Variants in CHST15 observed in about 807,000 individuals in gnomAD.
CHST15 encodes carbohydrate sulfotransferase 15, also known as B cell RAG associated protein (GALNAC4S-6ST).
Under a neutral mutation model 53.6 loss-of-function variants are expected in CHST15, and 30 were observed. The ratio of observed to expected loss-of-function variants is 0.56; its 90% CI spans 0.42 to 0.76. The LOEUF (loss-of-function observed/expected upper bound fraction) is 0.76, where lower values mean the gene tolerates loss of function less well. Among genes scored for constraint, CHST15 ranks in the 30% least tolerant of loss-of-function variants. The pLI is 0.00. For missense variants in CHST15, 627 were observed against 740.5 expected (o/e 0.85, Z 1.78); for synonymous variants, 296 against 289.8 (o/e 1.02, Z -0.22).
At position 124,028,950 on chromosome 10, in the gene CHST15, C is replaced by T. The variant is rs115729972; in HGVS notation, c.1191-7538G>A. On this transcript the variant is annotated intron_variant, in intron 5 of 7. Transcript: ENST00000435907. ...CTCAATGACAGTTACCGGAACGGCC[C>T]CATTTCCTCAGGCAGGAGGACCCGA... Among the ~76,000 whole-genome samples, 1,146 of 152,130 alleles carry T rather than the reference C, an allele frequency of 7.5e-3. 13 individuals are homozygous for T. The highest frequency in any genetic ancestry group is 0.023 in the African/African-American group (959 of 41,476).
rs1947510958 is a variant in CHST15 at position 124,036,681 on chromosome 10, C to T, written c.1190+1834G>A. 1.3e-5 allele frequency among the ~76,000 whole-genome samples: 2 copies of T among 152,112 alleles called. No homozygotes were observed. Among genetic ancestry groups the T allele is most frequent in the Non-Finnish European group, 2.9e-5 (2 of 68,038 alleles). On this transcript the variant is annotated intron_variant, in intron 5 of 7. Coordinates refer to ENST00000435907, the MANE Select transcript of CHST15 (RefSeq NM_001270764.2). The surrounding 1 kb of genome is among the most constrained non-coding windows in gnomAD (Gnocchi z 5.1). ...CCATGTGCACACACACACACACACA[C>T]ACTTATTTGCATAGAAAAGTCTGGA...
At chr10:124,070,661 C>T (rs1388730842) in intron 1 of CHST15, among the ~76,000 whole-genome samples, 1 of 152,116 alleles carries the variant, frequency 6.6e-6, no homozygotes, top group Non-Finnish European at 1.5e-5. Context: ...AGGAGTGAGC[C>T]ATTGTGCCCG....
At position 124,019,138 on chromosome 10, in the gene CHST15, C is replaced by T. The variant is rs886759291; in HGVS notation, c.1347+2118G>A. ...AGATGTGGCACGAAATGGGCCTGGC[C>T]TGAGTCACAGCTGCAACTTGATTCG... On this transcript the variant is annotated intron_variant, in intron 6 of 7. Transcript: ENST00000435907. This position sits in a 1 kb window ranked among gnomAD's most constrained non-coding sequence, Gnocchi z 4.6. Among the ~76,000 whole-genome samples, 1 of 151,778 alleles carries T rather than the reference C, an allele frequency of 6.6e-6. No homozygotes were observed. Among genetic ancestry groups the T allele is most frequent in the Non-Finnish European group, 1.5e-5 (1 of 67,902 alleles).
rs1288745925 is a variant in CHST15 at position 124,024,573 on chromosome 10, C to T, written c.1191-3161G>A. 6.6e-6 allele frequency among the ~76,000 whole-genome samples: 1 copy of T among 152,192 alleles called. No individual in the cohort carries two copies. Among genetic ancestry groups the T allele is most frequent in the Non-Finnish European group, 1.5e-5 (1 of 68,034 alleles). ...GTAGATTTCCCCAGATCCACACTCG[C>T]CTGAGAATATTCCCCAAGACAACAC... On this transcript the variant is annotated intron_variant, in intron 5 of 7. Coordinates refer to ENST00000435907, the MANE Select transcript of CHST15 (RefSeq NM_001270764.2). The surrounding 1 kb of genome is among the most constrained non-coding windows in gnomAD (Gnocchi z 4.0).
chr10:124,018,958 G>T (rs567899738), intron 6 of CHST15, among the ~76,000 whole-genome samples: 3 of 152,214 alleles, frequency 2.0e-5, no homozygotes, highest in Non-Finnish European at 2.9e-5. Flanking sequence ...GGGAAACCCA[G>T]TCCGCGAGCA....
intron 1 of CHST15, among the ~76,000 whole-genome samples, chr10:124,053,311 C>G (rs551065379): frequency 1.3e-5 from 2 of 152,204 alleles, no homozygotes; most frequent in Admixed American, 6.5e-5. Flanking sequence ...AAAGCTGGCA[C>G]GTGCCAGGCC....
At chr10:124,073,788 G>C (rs1259194680) in intron 1 of CHST15, among the ~76,000 whole-genome samples, 2 of 149,306 alleles carry the variant, frequency 1.3e-5, no homozygotes, top group African/African-American at 2.4e-5. Flanking sequence ...AAGCTCCTCT[G>C]TTTGTGCATT....
intron 1 of CHST15, among the ~76,000 whole-genome samples, chr10:124,076,277 C>G (rs1199038325): frequency 6.6e-6 from 1 of 152,212 alleles, no homozygotes; most frequent in Non-Finnish European, 1.5e-5. Context: ...GCTGAGCTGT[C>G]AAGTCAGTGA....
At position 124,036,293 on chromosome 10, in the gene CHST15, A is replaced by G. The variant is rs940673808; in HGVS notation, c.1190+2222T>C. ...CTCAGCAGGGCCGATTTCTGCCTCC[A>G]AAACACGGGAACCAGCAGGTGGGAC... On this transcript the variant is annotated intron_variant, in intron 5 of 7. Transcript: ENST00000435907. This position sits in a 1 kb window ranked among gnomAD's most constrained non-coding sequence, Gnocchi z 5.1. Among the ~76,000 whole-genome samples, 1 of 152,204 alleles carries G rather than the reference A, an allele frequency of 6.6e-6. No individual in the cohort carries two copies. Among genetic ancestry groups the G allele is most frequent in the African/African-American group, 2.4e-5 (1 of 41,456 alleles).
rs60643581 is a variant in CHST15 at position 124,007,987 on chromosome 10, AG to A, written c.*2161del. 2 of 1,231,880 alleles carry A rather than the reference AG, an allele frequency of 1.6e-6. No homozygotes were observed. The highest frequency in any genetic ancestry group is 2.0e-6 in the Non-Finnish European group (2 of 987,876). 76.3% of individuals were successfully genotyped at this position (1,231,880 alleles called of 1,614,324 possible). ...GAGGCAGCCGAAGTGCCCTCTGGAG[AG>A]AAAGGCCCCTGGAGGGAAAAACCAT... On this transcript the variant is annotated 3_prime_UTR_variant, in exon 8 of 8. Transcript: ENST00000435907.
intron 5 of CHST15, among the ~76,000 whole-genome samples, chr10:124,026,808 C>T (rs773619960): frequency 7.2e-5 from 11 of 152,164 alleles, no homozygotes; most frequent in Admixed American, 3.3e-4. Context: ...AGCCCAGTCC[C>T]GAACTCCTGA....
chr10:124,068,510 G>A (rs370648676), intron 1 of CHST15, among the ~76,000 whole-genome samples: 6 of 152,142 alleles, frequency 3.9e-5, no homozygotes, highest in Non-Finnish European at 7.4e-5. Flanking sequence ...CTGATGGGCC[G>A]GGTACATGTC....
chr10:124,016,471 ACT>A (rs1946588351), intron 6 of CHST15, among the ~76,000 whole-genome samples: 1 of 152,024 alleles, frequency 6.6e-6, no homozygotes, highest in Admixed American at 6.5e-5. Context: ...CCTCCTGTCC[ACT>A]GAGCCTGCCC....
chr10:124,052,515 G>C (rs940584552), intron 1 of CHST15, among the ~76,000 whole-genome samples: 1 of 152,136 alleles, frequency 6.6e-6, no homozygotes, highest in Non-Finnish European at 1.5e-5. Flanking sequence ...AAGGTTTCTG[G>C]GCCTCTGTAT....
chr10:124,042,169 T>C (rs1234174597), intron 4 of CHST15, 132 bp downstream of exon 4: 1 of 787,874 alleles, frequency 1.3e-6, no homozygotes, highest in Non-Finnish European at 2.0e-6. Flanking sequence ...GGTGGAGAAG[T>C]GGAGGCTCAA....
chr10:124,029,978 G>A lies in CHST15; in HGVS notation c.1190+8537C>T, dbSNP rs76194958. On this transcript the variant is annotated intron_variant, in intron 5 of 7. Coordinates refer to ENST00000435907, the MANE Select transcript of CHST15 (RefSeq NM_001270764.2). ...CACAACGGAGCTCTTTTTCCCTATA[G>A]TGTTCCTCCTGCTCGGAACCGTCCT... Among the ~76,000 whole-genome samples, 248 of 152,302 alleles carry A rather than the reference G, an allele frequency of 1.6e-3. 3 individuals carry two copies. In the East Asian group the frequency reaches 0.038, roughly 23 times the overall value.
intron 6 of CHST15, among the ~76,000 whole-genome samples, chr10:124,012,846 T>C (rs533011689): frequency 2.0e-5 from 3 of 152,242 alleles, no homozygotes; most frequent in African/African-American, 7.2e-5. Context: ...GTGACCTCTA[T>C]GCCCAGCACA....
chr10:124,076,858 T>C (rs942574521), intron 1 of CHST15, among the ~76,000 whole-genome samples: 10 of 152,086 alleles, frequency 6.6e-5, no homozygotes, highest in South Asian at 6.2e-4. Flanking sequence ...TACAGGCGCC[T>C]GCCACCACGC....
At chr10:124,082,626 T>C (rs1949283494) in intron 1 of CHST15, among the ~76,000 whole-genome samples, 1 of 152,244 alleles carries the variant, frequency 6.6e-6, no homozygotes, top group Admixed American at 6.5e-5. Flanking sequence ...CAAACGTTTA[T>C]GGCCGCCTCA....
Sources: gnomAD v4.1 joint callset for allele counts (sites outside exome capture counted in the v4.1 genomes callset) on GRCh38, gnomAD v4.1.1 for gene constraint, Gnocchi (gnomAD v3.1) non-coding constraint, MANE v1.5 for transcripts, NCBI Gene and HGNC (gene_info 2026-07-23, HGNC 2026-07-21) for gene names.